Variants in LIMS1 observed in about 807,000 individuals in gnomAD.
LIMS1 encodes LIM and senescent cell antigen-like-containing domain protein 1.
LIMS1 carries 18 observed loss-of-function variants against 44.1 expected under a neutral mutation model. The observed-to-expected ratio is 0.41, with a 90% CI of 0.28 to 0.61. The LOEUF (loss-of-function observed/expected upper bound fraction) is 0.61, where lower values mean the gene tolerates loss of function less well. Among genes scored for constraint, LIMS1 ranks in the 20% least tolerant of loss-of-function variants. The pLI, the probability that LIMS1 is intolerant of heterozygous loss-of-function variation, is 0.32. For missense variants in LIMS1, 201 were observed against 422.0 expected, an observed-to-expected ratio of 0.48 and a Z score of 4.59; for synonymous variants, 93 against 149.1, an observed-to-expected ratio of 0.62 and a Z score of 2.74.
intron 1 of LIMS1, among the ~76,000 whole-genome samples, chr2:108,654,167 C>T (rs1461074549): frequency 1.3e-5 from 2 of 151,830 alleles, no homozygotes; most frequent in African/African-American, 4.8e-5. Context: ...TAGTTTCCAG[C>T]TTGACTTTTT....
chr2:108,601,187 A>C (rs1686996711), intron 1 of LIMS1, among the ~76,000 whole-genome samples: 2 of 152,240 alleles, frequency 1.3e-5, no homozygotes, highest in African/African-American at 4.8e-5. Context: ...ATGGCAATGC[A>C]GATATAATAA....
At chr2:108,581,140 A>G (rs1685866768) in intron 1 of LIMS1, among the ~76,000 whole-genome samples, 1 of 152,128 alleles carries the variant, frequency 6.6e-6, no homozygotes, top group South Asian at 2.1e-4. Flanking sequence ...TAAAATGAAG[A>G]CCAGGCCTGT....
intron 1 of LIMS1, among the ~76,000 whole-genome samples, chr2:108,564,731 T>C (rs1455038723): frequency 2.6e-5 from 4 of 152,112 alleles, no homozygotes; most frequent in African/African-American, 9.7e-5. Flanking sequence ...ACAAGAATGT[T>C]TGAAATGGAA....
At chr2:108,650,861 TATTC>T (rs55825801) in intron 1 of LIMS1, among the ~76,000 whole-genome samples, 62,079 of 151,198 alleles carry the variant, frequency 0.41, 14,624 homozygotes, top group East Asian at 0.94. Context: ...TTTATTTATT[TATTC>T]ATTCATTCAT....
chr2:108,551,631 T>TATATATGTATATCTGTGTAC (rs1336947171), intron 1 of LIMS1, among the ~76,000 whole-genome samples: 1 of 145,036 alleles, frequency 6.9e-6, no homozygotes, highest in African/African-American at 2.5e-5. Context: ...TATATGTGTA[T>TATATATGTATATCTGTGTAC]ATATATGTAT....
At chr2:108,668,897 A>G (rs1300960839) in intron 2 of LIMS1, among the ~76,000 whole-genome samples, 1 of 152,208 alleles carries the variant, frequency 6.6e-6, no homozygotes, top group African/African-American at 2.4e-5. Flanking sequence ...GTATCGAGTA[A>G]TAGCATATCA....
intron 1 of LIMS1, among the ~76,000 whole-genome samples, chr2:108,630,901 A>G (rs1478248884): frequency 6.6e-6 from 1 of 152,246 alleles, no homozygotes; most frequent in Non-Finnish European, 1.5e-5. Context: ...TTGGAAAAAA[A>G]CAGTATTTCT....
chr2:108,596,609 A>G lies in LIMS1; in HGVS notation c.32+62015A>G, dbSNP rs1686702096. On this transcript the variant is annotated intron_variant, in intron 1 of 9. Coordinates refer to ENST00000544547, the Ensembl canonical transcript of LIMS1. Reference sequence around the variant, plus strand: ...GAGGCCAAGATGGGCAGATCACCTGAGGTCAGGAGTTTGAGACCAGCCTGA... The same window carrying G: ...GAGGCCAAGATGGGCAGATCACCTGGGGTCAGGAGTTTGAGACCAGCCTGA... Among the ~76,000 whole-genome samples the G allele has an allele frequency of 2.0e-5, 3 of 152,418 alleles. No homozygotes were observed. The South Asian group carries it at 6.2e-4, about 32-fold the overall frequency.
intron 1 of LIMS1, among the ~76,000 whole-genome samples, chr2:108,597,022 C>T (rs1212966703): frequency 2.0e-5 from 3 of 147,496 alleles, no homozygotes; most frequent in African/African-American, 7.5e-5. Flanking sequence ...GATTCTCCTG[C>T]CTCAGCCTCC....
At chr2:108,580,443 CAG>C (rs1021760070) in intron 1 of LIMS1, among the ~76,000 whole-genome samples, 5 of 151,978 alleles carry the variant, frequency 3.3e-5, no homozygotes, top group African/African-American at 1.2e-4. Flanking sequence ...TTACCTGAAA[CAG>C]AGAGTGGACG....
At chr2:108,625,676 G>A (rs780260552) in intron 1 of LIMS1, among the ~76,000 whole-genome samples, 4 of 151,972 alleles carry the variant, frequency 2.6e-5, no homozygotes, top group African/African-American at 9.7e-5. Context: ...TGAGCTCTTC[G>A]CTTCTTAGAC....
At chr2:108,679,245 A>C (rs917353785) in intron 8 of LIMS1, among the ~76,000 whole-genome samples, 1 of 151,754 alleles carries the variant, frequency 6.6e-6, no homozygotes, top group Admixed American at 6.6e-5. Context: ...TTGGGAGGCC[A>C]AGGCGGGCAG....
chr2:108,588,187 A>C (rs1686197362), intron 1 of LIMS1: 1 of 225,494 alleles, frequency 4.4e-6, no homozygotes, highest in Admixed American at 6.5e-5. Flanking sequence ...ATGAGTTATG[A>C]CATTTAGGGG....
At chr2:108,582,754 A>G (rs1573370003) in intron 1 of LIMS1, among the ~76,000 whole-genome samples, 1 of 152,214 alleles carries the variant, frequency 6.6e-6, no homozygotes. Context: ...AGCCTGGGCA[A>G]CAGAACAAGA....
intron 1 of LIMS1, among the ~76,000 whole-genome samples, chr2:108,618,823 C>CAAA (rs36086497): frequency 5.8e-5 from 5 of 85,688 alleles, no homozygotes; most frequent in Non-Finnish European, 9.3e-5. Flanking sequence ...GACTCCGTCT[C>CAAA]AAAAAAAAAA....
In LIMS1 at chr2:108,667,551, A is replaced by ATATAT. The variant is rs1553469851; in HGVS notation, c.193-3230_193-3229insTATAT. 7.3e-3 allele frequency among the ~76,000 whole-genome samples: 949 copies of ATATAT among 130,448 alleles called. 4 individuals carry two copies. The highest frequency in any genetic ancestry group is 9.4e-3 in the Non-Finnish European group (575 of 61,438). The allele number at this position is 130,448 out of a possible 152,430, so 85.6% of individuals were successfully genotyped here. On this transcript the variant is annotated intron_variant, in intron 2 of 9. Transcript: ENST00000544547. ...TTCAACCTTTTTTAAAAAAAAAAAA[A>ATATAT]ATATATATATATATATATACTGCTG...
chr2:108,634,465 A>G (rs1689102000), intron 1 of LIMS1, among the ~76,000 whole-genome samples: 1 of 152,234 alleles, frequency 6.6e-6, no homozygotes, highest in African/African-American at 2.4e-5. Flanking sequence ...CAATCCCCTC[A>G]GAAAACAAAG....
At chr2:108,639,198 C>T (rs991516270) in intron 1 of LIMS1, among the ~76,000 whole-genome samples, 11 of 152,054 alleles carry the variant, frequency 7.2e-5, no homozygotes, top group Non-Finnish European at 1.3e-4. Flanking sequence ...AACAGAAGAT[C>T]GATAAGGCCT....
chr2:108,625,577 TC>T (rs551605062), intron 1 of LIMS1, among the ~76,000 whole-genome samples: 178 of 137,224 alleles, frequency 1.3e-3, no homozygotes, highest in East Asian at 9.9e-3. Context: ...AGAATATGAA[TC>T]CCCCCCCCCA....
Sources: gnomAD v4.1 joint callset for allele counts (sites outside exome capture counted in the v4.1 genomes callset) on GRCh38, gnomAD v4.1.1 for gene constraint, MANE v1.5 for transcripts, NCBI Gene and HGNC (gene_info 2026-07-23, HGNC 2026-07-21) for gene names.